Variants in PPARGC1B observed in about 807,000 individuals in gnomAD.
The protein encoded by PPARGC1B is peroxisome proliferator-activated receptor gamma coactivator 1-beta.
Under a neutral mutation model 101.6 loss-of-function variants are expected in PPARGC1B, and 34 were observed. That is an observed-to-expected ratio of 0.33 (90% CI 0.25 to 0.45). The LOEUF (loss-of-function observed/expected upper bound fraction) is 0.45. Among genes scored for constraint, PPARGC1B ranks in the 20% least tolerant of loss-of-function variants. The pLI, the probability that PPARGC1B is intolerant of heterozygous loss-of-function variation, is 1.00. For missense variants in PPARGC1B, 1,234 were observed against 1,317.6 expected, an observed-to-expected ratio of 0.94 and a Z score of 0.98; for synonymous variants, 548 against 539.3, an observed-to-expected ratio of 1.02 and a Z score of -0.22.
At chr5:149,771,992 A>G in intron 1 of PPARGC1B, 1 of 1,438,720 alleles carries the variant, frequency 7.0e-7, no homozygotes, top group Non-Finnish European at 9.2e-7. Context: ...GTTATCCCAG[A>G]CTTACAGGCA....
chr5:149,755,612 ATTG>A (rs1309686843), intron 1 of PPARGC1B, among the ~76,000 whole-genome samples: 3 of 71,804 alleles, frequency 4.2e-5, no homozygotes, highest in Non-Finnish European at 5.6e-5. Context: ...TATTATTATT[ATTG>A]TTATTATTAT....
chr5:149,793,272 T>C (rs1354086557), intron 1 of PPARGC1B, among the ~76,000 whole-genome samples: 1 of 152,144 alleles, frequency 6.6e-6, no homozygotes, highest in Non-Finnish European at 1.5e-5. Context: ...GAGTGATTTC[T>C]GCTTACTGGG....
intron 1 of PPARGC1B, among the ~76,000 whole-genome samples, chr5:149,776,854 G>A (rs1048148990): frequency 5.3e-5 from 8 of 152,236 alleles, no homozygotes; most frequent in African/African-American, 1.9e-4. Context: ...ACCTTTTCCT[G>A]TTGGCAGCGG....
chr5:149,842,276 C>A lies in PPARGC1B; in HGVS notation c.2715C>A (p.Tyr905Ter). The A allele has an allele frequency of 6.2e-7, 1 of 1,613,950 alleles. No individual in the cohort carries two copies. Among genetic ancestry groups the A allele is most frequent in the Non-Finnish European group, 8.5e-7 (1 of 1,180,018 alleles). ...EKAIGEGRVV[Y>*]IQNLSSDMSS... is the part of the protein sequence containing the mutation. ...GGCAGGGGGAAGGCCGCGTGGTGTA[C>A]ATTCAAAATCTCTCCAGCGACATGA... Residue 905 changes from tyrosine (Y) to a stop codon, truncating the protein, a stop_gained, in exon 10 of 12, where the codon TAC becomes TAA. Transcript: ENST00000309241. LOFTEE classifies it high-confidence loss of function.
chr5:149,845,704 T>G (rs1217826062), intron 10 of PPARGC1B, 56 bp from the exon 11 acceptor site: 3 of 1,520,962 alleles, frequency 2.0e-6, no homozygotes, highest in East Asian at 4.5e-5. Flanking sequence ...ATGGGTGGTC[T>G]CACAGTGTCC....
intron 7 of PPARGC1B, 151 bp from the exon 8 acceptor site, chr5:149,836,112 C>A: frequency 1.5e-6 from 1 of 665,918 alleles, no homozygotes; most frequent in Non-Finnish European, 2.6e-6. Flanking sequence ...TGGTCTCGAG[C>A]TCCTGGCCTC....
At chr5:149,810,830 T>A (rs1757826112) in intron 1 of PPARGC1B, among the ~76,000 whole-genome samples, 1 of 152,114 alleles carries the variant, frequency 6.6e-6, no homozygotes, top group South Asian at 2.1e-4. Context: ...CTCAATGTCT[T>A]AATTTGCAAA....
intron 1 of PPARGC1B, among the ~76,000 whole-genome samples, chr5:149,783,667 A>T (rs1267497520): frequency 6.6e-6 from 1 of 152,166 alleles, no homozygotes; most frequent in African/African-American, 2.4e-5. Flanking sequence ...ACCGCACTTG[A>T]GACAGGGTCC....
intron 1 of PPARGC1B, among the ~76,000 whole-genome samples, chr5:149,780,315 C>T (rs373303648): frequency 1.3e-5 from 2 of 152,216 alleles, no homozygotes; most frequent in African/African-American, 2.4e-5. Flanking sequence ...GTGTGACCCA[C>T]GTTGGCTCTC....
chr5:149,780,663 A>G (rs558507002), intron 1 of PPARGC1B, among the ~76,000 whole-genome samples: 3 of 152,368 alleles, frequency 2.0e-5, no homozygotes, highest in African/African-American at 7.2e-5. Context: ...CATTAGGCAC[A>G]TTAATAGAAA....
Position 149,837,291 on chromosome 5 carries a change from C to T in PPARGC1B, c.2618+218C>T, listed in dbSNP as rs1561625444. Among the ~76,000 whole-genome samples, 5 of 152,112 alleles carry T rather than the reference C, an allele frequency of 3.3e-5. No individual in the cohort carries two copies. Among genetic ancestry groups the T allele is most frequent in the Admixed American group, 1.3e-4 (2 of 15,268 alleles). ...GCAGGCACAGCCTGGTCTGTGAAAT[C>T]GAGAGTGTCCCAAACATCCTGGCCT... On this transcript the variant is annotated intron_variant, in intron 8 of 11. Transcript: ENST00000309241. This position sits in a 1 kb window ranked among gnomAD's most constrained non-coding sequence, Gnocchi z 4.2.
intron 1 of PPARGC1B, among the ~76,000 whole-genome samples, chr5:149,789,810 T>C (rs1756948936): frequency 1.3e-5 from 2 of 152,226 alleles, no homozygotes; most frequent in African/African-American, 4.8e-5. Context: ...GCTGCACTTC[T>C]AGATCCTTTC....
At chr5:149,799,693 G>GTTGTTGTTGT (rs752427488) in intron 1 of PPARGC1B, among the ~76,000 whole-genome samples, 2 of 76,480 alleles carry the variant, frequency 2.6e-5, no homozygotes, top group African/African-American at 1.1e-4. Context: ...GCTTGTTGTT[G>GTTGTTGTTGT]TTTTTTTTTT....
In PPARGC1B at chr5:149,765,674, C is replaced by A. The variant is rs900011142; in HGVS notation, c.78+35254C>A. ...GAGATCAAGACCATCCTGGCCAACA[C>A]GGGGAAACTCCGTGTGTACTAAAAA... On this transcript the variant is annotated intron_variant, in intron 1 of 11. Transcript: ENST00000309241. 3.3e-5 allele frequency among the ~76,000 whole-genome samples: 5 copies of A among 151,976 alleles called. No homozygotes were observed. The East Asian group carries it at 7.7e-4, about 23-fold the overall frequency.
chr5:149,818,693 G>A (rs1373200451), intron 1 of PPARGC1B: 3 of 363,862 alleles, frequency 8.2e-6, no homozygotes, highest in Non-Finnish European at 1.6e-5. Context: ...GCCTCTTTTT[G>A]TTCTCTGAGA....
At chr5:149,788,953 CATT>C (rs1243152250) in intron 1 of PPARGC1B, among the ~76,000 whole-genome samples, 6 of 152,148 alleles carry the variant, frequency 3.9e-5, no homozygotes, top group Non-Finnish European at 8.8e-5. Flanking sequence ...GGAGGGATAA[CATT>C]AGGAGATACA....
chr5:149,831,364 A>G (rs1758777200), intron 4 of PPARGC1B, among the ~76,000 whole-genome samples: 1 of 152,172 alleles, frequency 6.6e-6, no homozygotes. Context: ...GAGGCGTAAC[A>G]GGTGTTTTTC....
At chr5:149,778,554 G>A (rs752386038) in intron 1 of PPARGC1B, among the ~76,000 whole-genome samples, 12 of 152,140 alleles carry the variant, frequency 7.9e-5, no homozygotes, top group Non-Finnish European at 1.6e-4. Context: ...ACAGCTGCTT[G>A]CGGCTGCCAT....
chr5:149,842,113 G>A (rs1561633198), intron 9 of PPARGC1B, 143 bp from the exon 10 acceptor site: 3 of 1,064,670 alleles, frequency 2.8e-6, no homozygotes, highest in Admixed American at 5.0e-5. Context: ...GATTGGCATT[G>A]TCCTCTCTCT....
Sources: gnomAD v4.1 joint callset for allele counts (sites outside exome capture counted in the v4.1 genomes callset) on GRCh38, gnomAD v4.1.1 for gene constraint, Gnocchi (gnomAD v3.1) non-coding constraint, MANE v1.5 for transcripts, NCBI Gene and HGNC (gene_info 2026-07-23, HGNC 2026-07-21) for gene names.